CENPK: variants seen among roughly 807,000 people sequenced by gnomAD.
CENPK encodes the protein centromere protein K.
A neutral mutation model predicts 40.9 loss-of-function variants in CENPK; 46 were observed. The ratio of observed to expected loss-of-function variants is 1.13; its 90% CI spans 0.89 to 1.44. The LOEUF (loss-of-function observed/expected upper bound fraction) is 1.44, where lower values mean the gene tolerates loss of function less well. CENPK is among the 40% of genes most tolerant of loss of function. The pLI is 0.00. For synonymous variants in CENPK, 107 were observed against 104.4 expected (o/e 1.02, Z -0.15); for missense variants, 288 against 303.5 (o/e 0.95, Z 0.38).
intron 6 of CENPK, among the ~76,000 whole-genome samples, chr5:65,531,749 G>A (rs1402648368): frequency 2.6e-5 from 4 of 151,990 alleles, no homozygotes; most frequent in Admixed American, 1.3e-4. Context: ...TGATCTGCCC[G>A]CCTCAGCCTC....
intron 9 of CENPK, 95 bp from the exon 10 acceptor site, chr5:65,521,623 A>G: frequency 2.3e-6 from 2 of 876,004 alleles, no homozygotes; most frequent in Non-Finnish European, 3.6e-6. Context: ...TTTCTGAGAC[A>G]GAGTTTCATT....
chr5:65,537,457 A>G (rs536696776), intron 6 of CENPK, among the ~76,000 whole-genome samples: 2 of 152,210 alleles, frequency 1.3e-5, no homozygotes, highest in African/African-American at 4.8e-5. Context: ...GGAACCCGCC[A>G]CCACGCCCAG....
intron 10 of CENPK, 86 bp from the exon 11 acceptor site, chr5:65,518,719 C>T (rs1580865524): frequency 2.5e-6 from 2 of 789,748 alleles, no homozygotes; most frequent in Middle Eastern, 2.5e-4. Context: ...AGAATATTGA[C>T]CTCTTTTCTT....
intron 4 of CENPK, among the ~76,000 whole-genome samples, chr5:65,551,906 T>C (rs918490881): frequency 2.6e-5 from 4 of 151,928 alleles, no homozygotes; most frequent in Non-Finnish European, 5.9e-5. Flanking sequence ...TCGACACAGA[T>C]AGTAAAATAT....
At chr5:65,542,951 T>C (rs560508351) in intron 5 of CENPK, 103 bp from the exon 6 acceptor site, 1 of 935,084 alleles carries the variant, frequency 1.1e-6, no homozygotes, top group African/African-American at 1.7e-5. Context: ...TCCATCTCCA[T>C]TTATATAATA....
intron 2 of CENPK, among the ~76,000 whole-genome samples, chr5:65,555,862 G>A (rs533448802): frequency 6.6e-6 from 1 of 152,198 alleles, no homozygotes; most frequent in African/African-American, 2.4e-5. Flanking sequence ...TACATTTGAG[G>A]TGTCAATTAT....
chr5:65,562,330 T>TGAGA (rs1353858767), intron 1 of CENPK, among the ~76,000 whole-genome samples: 2 of 152,138 alleles, frequency 1.3e-5, no homozygotes, highest in African/African-American at 4.8e-5. Flanking sequence ...AGTAGTCTGA[T>TGAGA]GAGAGCAGAG....
chr5:65,543,436 C>T (rs1748331403), intron 5 of CENPK, among the ~76,000 whole-genome samples: 1 of 152,080 alleles, frequency 6.6e-6, no homozygotes, highest in Non-Finnish European at 1.5e-5. Flanking sequence ...GTCATATATC[C>T]TATGTACACA....
At chr5:65,547,390 CAAA>C (rs70983677) in intron 5 of CENPK, among the ~76,000 whole-genome samples, 1 of 109,286 alleles carries the variant, frequency 9.2e-6, no homozygotes. Flanking sequence ...AAGACTGTCT[CAAA>C]AAAAAAAAAA....
intron 6 of CENPK, among the ~76,000 whole-genome samples, chr5:65,531,334 G>T (rs191820484): frequency 2.0e-5 from 3 of 150,508 alleles, no homozygotes; most frequent in Non-Finnish European, 4.4e-5. Context: ...ATGGGTCAAA[G>T]AAGCAACCAA....
downstream of CENPK, among the ~76,000 whole-genome samples, chr5:65,516,768 A>C (rs1182456111): frequency 1.3e-5 from 2 of 152,168 alleles, no homozygotes; most frequent in East Asian, 3.9e-4. Context: ...AAGTATTAAG[A>C]ATATTAAAAA....
intron 5 of CENPK, 148 bp downstream of exon 5, chr5:65,551,416 T>G: frequency 1.8e-6 from 1 of 552,186 alleles, no homozygotes; most frequent in Non-Finnish European, 3.3e-6. Flanking sequence ...ACAAAATAAT[T>G]CACAGAAAAA....
At chr5:65,497,840 A>C in the CENPK span, among the ~76,000 whole-genome samples, 1 of 152,228 alleles carries the variant, frequency 6.6e-6, no homozygotes, top group Non-Finnish European at 1.5e-5. Flanking sequence ...ATTGCACTGC[A>C]GCCTGGGCAA....
chr5:65,540,013 T>C (rs1215290353), intron 6 of CENPK, among the ~76,000 whole-genome samples: 1 of 152,220 alleles, frequency 6.6e-6, no homozygotes, highest in Non-Finnish European at 1.5e-5. Context: ...CATTCTTCCA[T>C]TGTCTTGAAC....
chr5:65,545,790 T>C (rs1387914573), intron 5 of CENPK, among the ~76,000 whole-genome samples: 18 of 152,186 alleles, frequency 1.2e-4, no homozygotes, highest in African/African-American at 4.3e-4. Flanking sequence ...GGAGAATCTA[T>C]CATTGCAGCC....
chr5:65,562,492 T>G (rs1455271046), intron 1 of CENPK, among the ~76,000 whole-genome samples: 2 of 152,122 alleles, frequency 1.3e-5, no homozygotes, highest in Non-Finnish European at 2.9e-5. Context: ...CGACGAGGAT[T>G]TTATTAGGTT....
intron 9 of CENPK, among the ~76,000 whole-genome samples, chr5:65,527,587 ATATT>A (rs1365760827): frequency 7.1e-6 from 1 of 141,616 alleles, no homozygotes. Flanking sequence ...ACTCAATAAA[ATATT>A]TATTTGCTTT....
intron 6 of CENPK, among the ~76,000 whole-genome samples, chr5:65,538,631 T>TA (rs1486536295): frequency 1.3e-5 from 2 of 152,138 alleles, no homozygotes; most frequent in African/African-American, 4.8e-5. Flanking sequence ...ATAAATAAAA[T>TA]AAAAAACTAG....
chr5:65,553,721 T>G (rs1311104718), intron 3 of CENPK, among the ~76,000 whole-genome samples: 2 of 152,212 alleles, frequency 1.3e-5, no homozygotes, highest in Non-Finnish European at 2.9e-5. Flanking sequence ...CCTACTTATC[T>G]TTGAATCCAC....
Sources: allele counts gnomAD v4.1 joint callset (sites outside exome capture counted in the v4.1 genomes callset), GRCh38; gene constraint gnomAD v4.1.1; transcripts MANE v1.5; gene names NCBI Gene and HGNC (gene_info 2026-07-23, HGNC 2026-07-21).